The following GRK1 variants were observed in gnomAD, a reference collection of about 807,000 sequenced individuals.
The protein encoded by GRK1 is G protein-coupled receptor kinase 1, also known as rhodopsin kinase GRK1.
In GRK1, 28 loss-of-function variants were observed where a neutral mutation model predicts 41.7. The observed-to-expected ratio is 0.67, with a 90% CI of 0.50 to 0.92. The LOEUF (loss-of-function observed/expected upper bound fraction) is 0.92, where lower values mean the gene tolerates loss of function less well. Among genes scored for constraint, GRK1 ranks in the 40% least tolerant of loss-of-function variants. The pLI is 0.00. For synonymous variants in GRK1, 327 were observed against 286.7 expected (o/e 1.14, Z -1.42); for missense variants, 703 against 671.2 (o/e 1.05, Z -0.52).
In GRK1 at chr13:113,724,338, G is replaced by T. The variant is rs180765647; in HGVS notation, c.1069+1181G>T. ...TCCTCTCTCCTCCGCAGTCTTGAGG[G>T]TCCGCGTGTCGGGCTCACTTCTGCT... On this transcript the variant is annotated intron_variant, in intron 4 of 6. Coordinates refer to ENST00000335678, the MANE Select transcript of GRK1 (RefSeq NM_002929.3). Among the ~76,000 whole-genome samples, 771 of 152,322 alleles carry T rather than the reference G, an allele frequency of 5.1e-3. 6 individuals carry two copies. Among genetic ancestry groups the T allele is most frequent in the South Asian group, 0.018 (87 of 4,828 alleles).
the GRK1 span, chr13:113,651,687 A>G: frequency 2.7e-4 from 430 of 1,613,230 alleles, 1 homozygote; most frequent in East Asian, 4.6e-3. Flanking sequence ...GGCGCAGTCC[A>G]CTCTGGGGGC....
chr13:113,649,424 G>A, the GRK1 span: 1 of 1,587,444 alleles, frequency 6.3e-7, no homozygotes, highest in South Asian at 1.1e-5. The surrounding 1 kb of genome is among the most constrained non-coding windows in gnomAD (Gnocchi z 4.7). Flanking sequence ...TACGGGTCGT[G>A]GGGATTGTTG....
Position 113,671,568 on chromosome 13 carries a change from G to A in GRK1, c.897G>A (p.Ala299=), listed in dbSNP as rs372619279. 20 of 777,368 alleles carry A rather than the reference G, an allele frequency of 2.6e-5. No individual in the cohort carries two copies. The highest frequency in any genetic ancestry group is 1.2e-4 in the African/African-American group (7 of 59,136). 48.2% of individuals were successfully genotyped at this position (777,368 alleles called of 1,614,324 possible). A position where few individuals can be genotyped will look rare whatever the true frequency, so the allele number is the denominator to read the frequency against. ...AGCCGCGCGCCCTCTTCTACACGGC[G>A]CAGATCATCTGCGGCCTGGAGCACC... The part of the protein sequence containing the change: ...FPEPRALFYT[A]QIICGLEHLH... The change falls in exon 3 of 7, where the codon GCG becomes GCA. Residue 299 remains alanine, a synonymous_variant. Coordinates refer to ENST00000335678, the MANE Select transcript of GRK1 (RefSeq NM_002929.3). The surrounding 1 kb of genome is among the most constrained non-coding windows in gnomAD (Gnocchi z 4.1).
chr13:113,659,905 A>G, the GRK1 span, among the ~76,000 whole-genome samples: 3 of 152,172 alleles, frequency 2.0e-5, no homozygotes, highest in South Asian at 2.1e-4. Context: ...GGATGCAGCA[A>G]CTGTTGTCTG....
Position 113,731,208 on chromosome 13 carries a change from C to T in GRK1, c.1070-11C>T. 6.5e-7 allele frequency: 1 copy of T among 1,536,742 alleles called. No individual in the cohort carries two copies. Among genetic ancestry groups the T allele is most frequent in the Non-Finnish European group, 8.7e-7 (1 of 1,146,648 alleles). The stretch of plus-strand genomic sequence containing the variant: ...GACCACCTCTGAACCCGCAATGTCC[C>T]TTGCTGGCAGGTTTCATGGCCCCCG... On this transcript the variant is annotated splice_polypyrimidine_tract_variant and intron_variant, in intron 4 of 6. Coordinates refer to ENST00000335678, the MANE Select transcript of GRK1 (RefSeq NM_002929.3). The surrounding 1 kb of genome is among the most constrained non-coding windows in gnomAD (Gnocchi z 5.6).
At chr13:113,652,005 G>A in the GRK1 span, among the ~76,000 whole-genome samples, 7 of 152,286 alleles carry the variant, frequency 4.6e-5, no homozygotes, top group African/African-American at 7.2e-5. Context: ...GAGCTGGGGC[G>A]GGGTGGTCTT....
At chr13:113,734,021 T>TGG (rs2049981827) in intron 6 of GRK1, among the ~76,000 whole-genome samples, 1 of 147,340 alleles carries the variant, frequency 6.8e-6, no homozygotes, top group Non-Finnish European at 1.5e-5. Flanking sequence ...TGCATGTGTG[T>TGG]GCGTGCGTGT....
rs1324220564 is a variant in GRK1 at position 113,733,965 on chromosome 13, TGTGC to T, written c.1396+884_1396+887del. Among the ~76,000 whole-genome samples the T allele has an allele frequency of 7.3e-5, 10 of 137,744 alleles. No individual in the cohort carries two copies. In the East Asian group the frequency reaches 1.6e-3, roughly 22 times the overall value. The allele number at this position is 137,744 out of a possible 152,430, so 90.4% of individuals were successfully genotyped here. A position where few individuals can be genotyped will look rare whatever the true frequency, so the allele number is the denominator to read the frequency against. On this transcript the variant is annotated intron_variant, in intron 6 of 6. Transcript: ENST00000335678. ...GTGTGCGTGTGTGTGCATACGTGTG[TGTGC>T]GTGTGTGCGCATGTGTGTGCATACA...
intron 6 of GRK1, among the ~76,000 whole-genome samples, chr13:113,733,470 CG>C (rs1288853358): frequency 6.8e-6 from 1 of 148,132 alleles, no homozygotes; most frequent in East Asian, 2.1e-4. Context: ...CAAGTGGATG[CG>C]GAAGATACTA....
chr13:113,659,880 G>A, the GRK1 span, among the ~76,000 whole-genome samples: 2 of 152,142 alleles, frequency 1.3e-5, no homozygotes, highest in Non-Finnish European at 2.9e-5. Context: ...GAGTGCCAGG[G>A]GTCTGACAAC....
the GRK1 span, chr13:113,658,209 G>A: frequency 4.1e-6 from 6 of 1,459,758 alleles, no homozygotes; most frequent in African/African-American, 7.0e-5. Flanking sequence ...GAGGCCAGAT[G>A]CCCACCTCTG....
chr13:113,664,402 C>T (rs1415570844), upstream of GRK1, among the ~76,000 whole-genome samples: 1 of 152,126 alleles, frequency 6.6e-6, no homozygotes, highest in African/African-American at 2.4e-5. The surrounding 1 kb of genome is among the most constrained non-coding windows in gnomAD (Gnocchi z 5.4). Context: ...CATGTAAATC[C>T]ACAATTATCA....
chr13:113,731,923 C>T lies in GRK1; in HGVS notation c.1194+580C>T, dbSNP rs1035395073. Among the ~76,000 whole-genome samples the T allele has an allele frequency of 6.6e-6, 1 of 152,326 alleles. No individual in the cohort carries two copies. The highest frequency in any genetic ancestry group is 1.9e-4 in the East Asian group (1 of 5,182). ...CAGCCCATGGTGGGCCCAGCAGCTG[C>T]TCTGAATGTCCCGGAGTGTGGACAC... On this transcript the variant is annotated intron_variant, in intron 5 of 6. Transcript: ENST00000335678. This position sits in a 1 kb window ranked among gnomAD's most constrained non-coding sequence, Gnocchi z 5.6.
intron 6 of GRK1, among the ~76,000 whole-genome samples, chr13:113,734,272 G>A (rs370947834): frequency 4.5e-4 from 69 of 152,352 alleles, no homozygotes; most frequent in African/African-American, 1.6e-3. Context: ...CCAGACAGGT[G>A]CCCTGGGCAG....
chr13:113,654,558 A>G, the GRK1 span, among the ~76,000 whole-genome samples: 1 of 152,248 alleles, frequency 6.6e-6, no homozygotes, highest in African/African-American at 2.4e-5. Context: ...CAGATTTTAT[A>G]ATTTGGAGTC....
At chr13:113,651,760 C>G in the GRK1 span, 2 of 1,608,818 alleles carry the variant, frequency 1.2e-6, no homozygotes, top group Non-Finnish European at 8.5e-7. Flanking sequence ...TGGCCGCTCC[C>G]CACCCCCACC....
rs2049854550 is a variant in GRK1, at chr13:113,671,216, T to C, written c.828-283T>C. ...GGCCCCTTCCTGAGACGGTCTGGGC[T>C]GTTTCCTAGCACCTGCGGCCCGCGC... On this transcript the variant is annotated intron_variant, in intron 2 of 6. Transcript: ENST00000335678. The surrounding 1 kb of genome is among the most constrained non-coding windows in gnomAD (Gnocchi z 4.1). Among the ~76,000 whole-genome samples the C allele has an allele frequency of 6.6e-6, 1 of 152,190 alleles. No homozygotes were observed. Among genetic ancestry groups the C allele is most frequent in the African/African-American group, 2.4e-5 (1 of 41,438 alleles).
At chr13:113,648,358 C>T in the GRK1 span, among the ~76,000 whole-genome samples, 1 of 152,230 alleles carries the variant, frequency 6.6e-6, no homozygotes, top group Non-Finnish European at 1.5e-5. Context: ...GACTTCGACG[C>T]GCCAGTCGCT....
chr13:113,653,111 G>T, the GRK1 span: 282 of 1,580,672 alleles, frequency 1.8e-4, no homozygotes, highest in African/African-American at 3.4e-3. Context: ...TCCTGCCCTG[G>T]CCCTGACGCC....
Sources: gnomAD v4.1 joint callset for allele counts (sites outside exome capture counted in the v4.1 genomes callset) on GRCh38, gnomAD v4.1.1 for gene constraint, Gnocchi (gnomAD v3.1) non-coding constraint, MANE v1.5 for transcripts, NCBI Gene and HGNC (gene_info 2026-07-23, HGNC 2026-07-21) for gene names.